Variants in NF1 observed in about 807,000 individuals in gnomAD.
NF1 encodes the protein neurofibromin 1.
In NF1, 122 loss-of-function variants were observed where a neutral mutation model predicts 325.7. The observed-to-expected ratio is 0.37, with a 90% CI of 0.32 to 0.44. NF1 has a LOEUF of 0.44. Among genes scored for constraint, NF1 ranks in the 20% least tolerant of loss-of-function variants. NF1 has a pLI of 1.00. For synonymous variants in NF1, 1,091 were observed against 1,186.0 expected, an observed-to-expected ratio of 0.92 and a Z score of 1.65; for missense variants, 2,140 against 3,415.4, an observed-to-expected ratio of 0.63 and a Z score of 9.31.
intron 56 of NF1, 39 bp from the exon 57 acceptor site, chr17:31,360,448 A>G: frequency 6.3e-7 from 1 of 1,583,874 alleles, no homozygotes; most frequent in South Asian, 1.1e-5. Context: ...ATTTACTTAA[A>G]AAAAAGGAAC....
intron 36 of NF1, among the ~76,000 whole-genome samples, chr17:31,303,512 G>A (rs902265257): frequency 4.6e-5 from 7 of 151,884 alleles, no homozygotes; most frequent in African/African-American, 1.7e-4. Context: ...AAAGTCACCC[G>A]TATTTAGAAT....
intron 1 of NF1, among the ~76,000 whole-genome samples, chr17:31,127,250 C>T (rs1245996545): frequency 1.3e-5 from 2 of 151,972 alleles, no homozygotes; most frequent in Admixed American, 6.6e-5. Flanking sequence ...TATAATAATG[C>T]CTTTCCATAT....
intron 1 of NF1, among the ~76,000 whole-genome samples, chr17:31,100,356 C>G (rs575314409): frequency 6.6e-6 from 1 of 152,188 alleles, no homozygotes; most frequent in Non-Finnish European, 1.5e-5. Context: ...AAAAATATCT[C>G]CTAGCCTCAT....
chr17:31,316,112 G>GCTGGCCTCAAACTC (rs1268126882), intron 36 of NF1, among the ~76,000 whole-genome samples: 2 of 152,016 alleles, frequency 1.3e-5, no homozygotes, highest in African/African-American at 4.8e-5. Flanking sequence ...TGTTGTGCAG[G>GCTGGCCTCAAACTC]CTGGCCTCAA....
chr17:31,249,738 G>A (rs1384527992), intron 30 of NF1, among the ~76,000 whole-genome samples: 2 of 152,082 alleles, frequency 1.3e-5, no homozygotes, highest in African/African-American at 4.8e-5. Context: ...TAGGGAATTC[G>A]GTCTATGTTC....
chr17:31,304,246 AAAGC>A (rs780913673), intron 36 of NF1: 1 of 1,560,368 alleles, frequency 6.4e-7, no homozygotes, highest in Non-Finnish European at 8.7e-7. Flanking sequence ...GATCAGCTAA[AAAGC>A]AAGTTGTAAT....
rs543855471 is a variant in NF1 at position 31,101,785 on chromosome 17, C to G, written c.60+6416C>G. On this transcript the variant is annotated intron_variant, in intron 1 of 57. Coordinates refer to ENST00000358273, the MANE Select transcript of NF1 (RefSeq NM_001042492.3). ...TCTCACTTCTTGGTATCCTTGTTACCTGGAGTTTTACAGAACCACACAGTA... is the reference window on the plus strand; with the variant it reads ...TCTCACTTCTTGGTATCCTTGTTACGTGGAGTTTTACAGAACCACACAGTA... Among the ~76,000 whole-genome samples the G allele has an allele frequency of 8.6e-5, 13 of 151,996 alleles. No individual in the cohort carries two copies. In the South Asian group the frequency reaches 1.9e-3, roughly 22 times the overall value.
rs910710440 is a variant in NF1, at chr17:31,182,045, G to A, written c.730+260G>A. On this transcript the variant is annotated intron_variant, in intron 7 of 57. Transcript: ENST00000358273. ...GAGCTGTGATAGGATGGGGTGTTTG[G>A]CTCTTTGTTGTAGAGAAGCATGTGC... Among the ~76,000 whole-genome samples, 3 of 152,140 alleles carry A rather than the reference G, an allele frequency of 2.0e-5. No individual in the cohort carries two copies. The East Asian group carries it at 5.8e-4, about 29-fold the overall frequency.
intron 1 of NF1, chr17:31,136,373 C>T (rs1344915045): frequency 6.6e-6 from 1 of 152,128 alleles, no homozygotes; most frequent in Non-Finnish European, 1.5e-5. Flanking sequence ...AGTAGTCTCC[C>T]CGCTCCCCCC....
chr17:31,340,407 T>A (rs553713925), intron 46 of NF1, 98 bp from the exon 47 acceptor site: 1 of 1,486,890 alleles, frequency 6.7e-7, no homozygotes, highest in African/African-American at 1.4e-5. Flanking sequence ...CATGGGTAAT[T>A]TAGGAAGATA....
intron 36 of NF1, among the ~76,000 whole-genome samples, chr17:31,269,704 C>G (rs375333335): frequency 6.6e-6 from 1 of 152,214 alleles, no homozygotes; most frequent in South Asian, 2.1e-4. Context: ...CAGCTGCTCC[C>G]TAGCTGTGGC....
intron 1 of NF1, among the ~76,000 whole-genome samples, chr17:31,148,754 C>G (rs189538587): frequency 1.3e-5 from 2 of 152,064 alleles, no homozygotes. Flanking sequence ...TTTAGTTCCT[C>G]TCTTTATACC....
intron 4 of NF1, among the ~76,000 whole-genome samples, chr17:31,169,241 A>G (rs2065893756): frequency 1.3e-5 from 2 of 152,178 alleles, no homozygotes; most frequent in African/African-American, 2.4e-5. Flanking sequence ...TTCAAGCCCA[A>G]GGTGACCTGC....
intron 12 of NF1, among the ~76,000 whole-genome samples, chr17:31,208,100 T>G (rs2066656439): frequency 6.6e-6 from 1 of 152,184 alleles, no homozygotes. Flanking sequence ...AAGCTGATTC[T>G]CAGAGCTACA....
At chr17:31,358,662 G>C (rs751695691) in intron 55 of NF1, 40 bp downstream of exon 55, 1 of 1,610,400 alleles carries the variant, frequency 6.2e-7, no homozygotes, top group Non-Finnish European at 8.5e-7. Context: ...TGATGAACTT[G>C]CTAACATGCG....
chr17:31,320,296 G>A lies in NF1; in HGVS notation c.4836-5524G>A, dbSNP rs190919703. 4.5e-5 allele frequency: 54 copies of A among 1,203,186 alleles called. No homozygotes were observed. In the African/African-American group the frequency reaches 6.5e-4, roughly 15 times the overall value. The allele number at this position is 1,203,186 out of a possible 1,614,324, so 74.5% of individuals were successfully genotyped here. ...GAAATTGCCTGGTTAAGAACCCTAC[G>A]TATGCTATAGAAATTCTTCTCAAAT... is the stretch of plus-strand genomic sequence containing the variant. On this transcript the variant is annotated intron_variant, in intron 36 of 57. Coordinates refer to ENST00000358273, the MANE Select transcript of NF1 (RefSeq NM_001042492.3).
chr17:31,125,958 C>T (rs966307060), intron 1 of NF1, among the ~76,000 whole-genome samples: 36 of 152,110 alleles, frequency 2.4e-4, no homozygotes, highest in African/African-American at 8.4e-4. Context: ...TTTATGGGGC[C>T]GGGTGCAGTG....
intron 39 of NF1, among the ~76,000 whole-genome samples, chr17:31,334,409 G>A (rs541179383): frequency 2.0e-5 from 3 of 152,278 alleles, no homozygotes; most frequent in Non-Finnish European, 4.4e-5. Flanking sequence ...GGTTATACCT[G>A]TGTACACACA....
rs2151470305 is a variant in NF1, at chr17:31,265,319, T to C, written c.4815T>C (p.Ile1605=). 1 of 1,612,390 alleles carries C rather than the reference T, an allele frequency of 6.2e-7. No individual in the cohort carries two copies. Among genetic ancestry groups the C allele is most frequent in the East Asian group, 2.2e-5 (1 of 44,754 alleles). Residue 1605 remains isoleucine, a synonymous_variant, in exon 36 of 58, where the codon ATT becomes ATC. Transcript: ENST00000358273. ...GGACTTCCAAAGCTGGGAATCCTAT[T>C]TTTTATTATGTTGCACGGAGGTAAG... ...QAGTSKAGNP[I]FYYVARRFKT... is the part of the protein sequence containing the mutation.
Sources: allele counts gnomAD v4.1 joint callset (sites outside exome capture counted in the v4.1 genomes callset), GRCh38; gene constraint gnomAD v4.1.1; transcripts MANE v1.5; gene names NCBI Gene and HGNC (gene_info 2026-07-23, HGNC 2026-07-21).